FPR1: variants seen among roughly 807,000 people sequenced by gnomAD.
FPR1 encodes the protein formyl peptide receptor 1.
For synonymous variants in FPR1, 193 were observed against 176.7 expected (o/e 1.09, Z -0.73); for missense variants, 407 against 453.0 (o/e 0.90, Z 0.92).
Position 51,745,943 on chromosome 19 carries a change from C to CATTAAAAAA in FPR1, c.1051_1052insTTTTTTAAT (p.Lys350_Ter351insPhePheTer), listed in dbSNP as rs1200860829. The CATTAAAAAA allele has an allele frequency of 1.2e-6, 2 of 1,606,820 alleles. No homozygotes were observed. The highest frequency in any genetic ancestry group is 1.1e-5 in the South Asian group (1 of 90,956). On this transcript the variant is annotated inframe_insertion, in exon 2 of 2. Transcript: ENST00000304748. ...CGAAAGTGTCCCCCAGCTCCCTCCTCACTTTGCCTGTAACTCCACCTCTGC... is the reference window on the plus strand; with the variant it reads ...CGAAAGTGTCCCCCAGCTCCCTCCTCATTAAAAAAACTTTGCCTGTAACTCCACCTCTGC...
At chr19:51,747,671 T>C (rs2122326431) in intron 1 of FPR1, among the ~76,000 whole-genome samples, 1 of 152,000 alleles carries the variant, frequency 6.6e-6, no homozygotes, top group East Asian at 1.9e-4. Context: ...ACAAAAATGT[T>C]CATAGAGACA....
At position 51,746,611 on chromosome 19, in the gene FPR1, C is replaced by G; in HGVS notation, c.384G>C (p.Leu128=). 6 of 1,614,176 alleles carry G rather than the reference C, an allele frequency of 3.7e-6. No individual in the cohort carries two copies. The highest frequency in any genetic ancestry group is 5.1e-6 in the Non-Finnish European group (6 of 1,180,036). Reference sequence around the variant, plus strand: ...GGTGGTTCTGGGTCCAGACTGGATGCAGGACGCAAACACAGCGGTCCAGAG... The same window carrying G: ...GGTGGTTCTGGGTCCAGACTGGATGGAGGACGCAAACACAGCGGTCCAGAG... ...LIALDRCVCV[L]HPVWTQNHRT... Residue 128 remains leucine, a synonymous_variant, in exon 2 of 2, where the codon CTG becomes CTC. Coordinates refer to ENST00000304748, the MANE Select transcript of FPR1 (RefSeq NM_002029.4). The surrounding 1 kb of genome is among the most constrained non-coding windows in gnomAD (Gnocchi z 4.3).
intron 1 of FPR1, among the ~76,000 whole-genome samples, chr19:51,748,106 A>G (rs1321764873): frequency 6.6e-6 from 1 of 152,200 alleles, no homozygotes; most frequent in Non-Finnish European, 1.5e-5. Context: ...GTGTACTATG[A>G]TTGAGCCACT....
At position 51,747,010 on chromosome 19, in the gene FPR1, A is replaced by G. The variant is rs2083752483; in HGVS notation, c.-11-5T>C. On this transcript the variant is annotated splice_polypyrimidine_tract_variant and splice_region_variant and intron_variant, in intron 1 of 1. Coordinates refer to ENST00000304748, the MANE Select transcript of FPR1 (RefSeq NM_002029.4). ...TTGTCTCCATCTTGTCTGCTCCTGAAATAGTGCAGTCGTGGTCATTCCTCA... is the reference window on the plus strand; with the variant it reads ...TTGTCTCCATCTTGTCTGCTCCTGAGATAGTGCAGTCGTGGTCATTCCTCA... 6.3e-7 allele frequency: 1 copy of G among 1,584,604 alleles called. No individual in the cohort carries two copies. The highest frequency in any genetic ancestry group is 1.3e-5 in the African/African-American group (1 of 74,434).
At chr19:51,748,285 G>A (rs911227109) in intron 1 of FPR1, among the ~76,000 whole-genome samples, 10 of 152,212 alleles carry the variant, frequency 6.6e-5, no homozygotes, top group African/African-American at 2.2e-4. Flanking sequence ...CACAGAGACC[G>A]AATGCAGATT....
chr19:51,746,920 C>T lies in FPR1; in HGVS notation c.75G>A (p.Leu25=). 1.2e-6 allele frequency: 2 copies of T among 1,614,082 alleles called. No homozygotes were observed. Among genetic ancestry groups the T allele is most frequent in the Non-Finnish European group, 1.7e-6 (2 of 1,180,006 alleles). Residue 25 remains leucine, a synonymous_variant, in exon 2 of 2, where the codon CTG becomes CTA. Coordinates refer to ENST00000304748, the MANE Select transcript of FPR1 (RefSeq NM_002029.4). The surrounding 1 kb of genome is among the most constrained non-coding windows in gnomAD (Gnocchi z 4.3). ...TPAVSAGYLF[L]DIITYLVFAV... is the part of the protein sequence containing the mutation. ...CAAATACCAGATAAGTGATGATATC[C>T]AGGAAGAGATAGCCAGCAGATACAG...
At chr19:51,750,160 C>T (rs913625736) in intron 1 of FPR1, 2 of 152,218 alleles carry the variant, frequency 1.3e-5, no homozygotes, top group African/African-American at 4.8e-5. Context: ...TGCCCTGCCA[C>T]GCTACTGGCA....
intron 1 of FPR1, among the ~76,000 whole-genome samples, chr19:51,747,221 C>CTT (rs55849683): frequency 4.9e-5 from 7 of 141,516 alleles, no homozygotes; most frequent in Admixed American, 7.0e-5. Context: ...AAGATTACAT[C>CTT]TTTTTTTTTT....
chr19:51,751,636 G>T (rs978707859), intron 1 of FPR1, among the ~76,000 whole-genome samples, 178 bp downstream of exon 1: 4 of 152,112 alleles, frequency 2.6e-5, no homozygotes, highest in African/African-American at 9.7e-5. Context: ...ACCTGCCTTG[G>T]CCTCCCAAAG....
Position 51,746,970 on chromosome 19 carries a change from T to C in FPR1, c.25A>G (p.Thr9Ala). The change falls in exon 2 of 2, where the codon ACG (threonine) becomes GCG (alanine). Residue 9 changes from threonine to alanine, a missense_variant. Thr to Ala is a moderately conservative substitution (Grantham distance 58, BLOSUM62 0). Transcript: ENST00000304748. This position sits in a 1 kb window ranked among gnomAD's most constrained non-coding sequence, Gnocchi z 4.3. The part of the protein sequence containing the change: METNSSLP[T>A]NISGGTPAVS... Reference sequence around the variant, plus strand: ...GCAGGTGTCCCTCCAGAGATGTTCGTGGGGAGAGAGGAATTTGTCTCCATC... The same window carrying C: ...GCAGGTGTCCCTCCAGAGATGTTCGCGGGGAGAGAGGAATTTGTCTCCATC... 1 of 1,612,658 alleles carries C rather than the reference T, an allele frequency of 6.2e-7. No homozygotes were observed. The highest frequency in any genetic ancestry group is 8.5e-7 in the Non-Finnish European group (1 of 1,178,870).
chr19:51,748,998 T>C (rs1372403275), intron 1 of FPR1, among the ~76,000 whole-genome samples: 1 of 151,892 alleles, frequency 6.6e-6, no homozygotes, highest in African/African-American at 2.4e-5. Flanking sequence ...GGGTGGATCA[T>C]GAGGTTAGCA....
rs762250607 is a variant in FPR1, at chr19:51,746,070, G to A, written c.925C>T (p.Arg309Trp). ...GGAAGGGCGTGGATCAGCCTCTCCC[G>A]GAAGTCCTGGCCCATGAAGACATAG... ...MLYVFMGQDF[R>W]ERLIHALPAS... Residue 309 changes from arginine (R) to tryptophan (W), a missense_variant, in exon 2 of 2, where the codon CGG becomes TGG. Arg to Trp is a moderately radical substitution (Grantham distance 101). Coordinates refer to ENST00000304748, the MANE Select transcript of FPR1 (RefSeq NM_002029.4). This position sits in a 1 kb window ranked among gnomAD's most constrained non-coding sequence, Gnocchi z 4.3. 24 of 1,614,022 alleles carry A rather than the reference G, an allele frequency of 1.5e-5. No individual in the cohort carries two copies. Among genetic ancestry groups the A allele is most frequent in the South Asian group, 3.3e-5 (3 of 91,086 alleles).
downstream of FPR1, chr19:51,745,675 A>C: frequency 2.3e-6 from 1 of 426,562 alleles, no homozygotes; most frequent in Non-Finnish European, 4.3e-6. Flanking sequence ...ATTTGGGTTC[A>C]TTTCAGGCAA....
In FPR1 at chr19:51,748,526, T is replaced by A. The variant is rs139661848; in HGVS notation, c.-11-1521A>T. ...CCCAGGCTGGAGTGCAGTGGTGCGA[T>A]CTTGGCTCACTGCAACCTCCGCCTC... is the stretch of plus-strand genomic sequence containing the variant. On this transcript the variant is annotated intron_variant, in intron 1 of 1. Coordinates refer to ENST00000304748, the MANE Select transcript of FPR1 (RefSeq NM_002029.4). 8.8e-3 allele frequency among the ~76,000 whole-genome samples: 1,341 copies of A among 152,332 alleles called. 6 individuals are homozygous for A. The highest frequency in any genetic ancestry group is 0.017 in the Middle Eastern group (5 of 294).
In FPR1 at chr19:51,746,189, C is replaced by T. The variant is rs142210016; in HGVS notation, c.806G>A (p.Arg269His). ...TTTGTACATGCCTTGCAATAACTCA[C>T]GGATTCTGACTGTGGCTATAAGGGC... is the stretch of plus-strand genomic sequence containing the variant. Reference protein sequence around the residue: ...VVALIATVRIRELLQGMYKEI... With the variant: ...VVALIATVRIHELLQGMYKEI... The change falls in exon 2 of 2, where the codon CGT (arginine) becomes CAT (histidine). Residue 269 changes from arginine (R) to histidine (H), a missense_variant. Physicochemically the swap from Arg to His is conservative, Grantham distance 29. Transcript: ENST00000304748. This position sits in a 1 kb window ranked among gnomAD's most constrained non-coding sequence, Gnocchi z 4.3. 7.7e-4 allele frequency: 1,248 copies of T among 1,614,112 alleles called. 3 individuals carry two copies. The African/African-American group carries it at 0.013, about 17-fold the overall frequency.
At chr19:51,751,503 C>T (rs1440216601) in intron 1 of FPR1, among the ~76,000 whole-genome samples, 1 of 152,164 alleles carries the variant, frequency 6.6e-6, no homozygotes, top group Non-Finnish European at 1.5e-5. Flanking sequence ...CTGCCTCAGC[C>T]TCCCAAGTAG....
intron 1 of FPR1, among the ~76,000 whole-genome samples, chr19:51,748,660 A>G (rs1305031551): frequency 6.6e-6 from 1 of 152,094 alleles, no homozygotes; most frequent in African/African-American, 2.4e-5. Flanking sequence ...GGGTTTCACC[A>G]TGTTGGCCAG....
At chr19:51,749,186 G>C (rs538228983) in intron 1 of FPR1, among the ~76,000 whole-genome samples, 10 of 150,358 alleles carry the variant, frequency 6.7e-5, no homozygotes, top group Admixed American at 4.0e-4. Flanking sequence ...TTGCACTCCA[G>C]CCTGGGCGAC....
chr19:51,751,681 C>A (rs2083782105), intron 1 of FPR1, 133 bp downstream of exon 1: 2 of 152,294 alleles, frequency 1.3e-5, no homozygotes, highest in Admixed American at 1.3e-4. Flanking sequence ...CCGTGCCCGG[C>A]CTGTTTAGAA....
Sources: allele counts gnomAD v4.1 joint callset (sites outside exome capture counted in the v4.1 genomes callset), GRCh38; gene constraint gnomAD v4.1.1; non-coding constraint Gnocchi (gnomAD v3.1); transcripts MANE v1.5; gene names NCBI Gene and HGNC (gene_info 2026-07-23, HGNC 2026-07-21).